Variants in ZNF333 observed in about 807,000 individuals in gnomAD.
ZNF333 encodes zinc finger protein 333.
ZNF333 carries 61 observed loss-of-function variants against 76.1 expected under a neutral mutation model. The ratio of observed to expected loss-of-function variants is 0.80; its 90% CI spans 0.65 to 0.99. The LOEUF is 0.99. Ranked by LOEUF, ZNF333 falls within the 50% of genes least tolerant of loss-of-function variation. ZNF333 has a pLI of 0.00. For missense variants in ZNF333, 717 were observed against 822.4 expected, an observed-to-expected ratio of 0.87 and a Z score of 1.57; for synonymous variants, 284 against 305.0, an observed-to-expected ratio of 0.93 and a Z score of 0.72.
Position 14,718,321 on chromosome 19 carries a change from C to T in ZNF333, c.994C>T (p.His332Tyr), listed in dbSNP as rs1435873497. 1 of 1,614,178 alleles carries T rather than the reference C, an allele frequency of 6.2e-7. No individual in the cohort carries two copies. The change falls in exon 12 of 12, where the codon CAT (histidine) becomes TAT (tyrosine). Residue 332 changes from histidine to tyrosine, a missense_variant. By Grantham distance (83) the His-to-Tyr change is moderately conservative (BLOSUM62 2). Coordinates refer to ENST00000292530, the MANE Select transcript of ZNF333 (RefSeq NM_032433.4). ...ACCACTTTTCCAGTACCAGAGAATT[C>T]ATGCTGGAGAGGCATCCTGTGAATG... ...IEPLFQYQRI[H>Y]AGEASCECQE...
chr19:14,728,192 G>A (rs552928450), intron 11 of ZNF333, among the ~76,000 whole-genome samples: 28 of 152,292 alleles, frequency 1.8e-4, no homozygotes, highest in South Asian at 1.7e-3. Context: ...CAGCCTGGGC[G>A]ACAGAGCGAG....
At chr19:14,699,780 C>G (rs1445077264) in intron 5 of ZNF333, among the ~76,000 whole-genome samples, 1 of 151,958 alleles carries the variant, frequency 6.6e-6, no homozygotes. Context: ...AGACATTGAG[C>G]GTGCGAAATA....
downstream of ZNF333, among the ~76,000 whole-genome samples, chr19:14,726,189 C>T (rs1480577030): frequency 6.6e-6 from 1 of 152,206 alleles, no homozygotes; most frequent in Non-Finnish European, 1.5e-5. Flanking sequence ...CCCTTTGAGC[C>T]AAGGCTGGAG....
At chr19:14,727,355 G>C (rs762042162) in intron 11 of ZNF333, among the ~76,000 whole-genome samples, 20 of 152,162 alleles carry the variant, frequency 1.3e-4, no homozygotes, top group Non-Finnish European at 2.8e-4. Context: ...TTGGCTCACT[G>C]TTTTGCAGGC....
rs765158203 is a variant in ZNF333 at position 14,718,987 on chromosome 19, C to T, written c.1660C>T (p.Arg554Ter). The T allele has an allele frequency of 1.2e-5, 19 of 1,604,068 alleles. No individual in the cohort carries two copies. Among genetic ancestry groups the T allele is most frequent in the Admixed American group, 3.4e-5 (2 of 58,680 alleles). ...SRLSTLKSHMRTHTGEKPYVC... is the reference protein window; with the variant it reads ...SRLSTLKSHM The stretch of plus-strand genomic sequence containing the variant: ...TCTTTCAACCCTGAAGAGTCACATG[C>T]GAACTCACACTGGAGAGAAGCCCTA... Residue 554 changes from arginine (R) to a stop codon, truncating the protein, a stop_gained, in exon 12 of 12, where the codon CGA becomes TGA. Transcript: ENST00000292530. LOFTEE classifies it high-confidence loss of function.
At chr19:14,706,920 A>G in intron 7 of ZNF333, 147 bp downstream of exon 7, 4 of 611,812 alleles carry the variant, frequency 6.5e-6, no homozygotes, top group Non-Finnish European at 1.1e-5. Context: ...GGCCTCTCTC[A>G]TTATTTGTGT....
chr19:14,713,965 CA>C (rs1955559556), intron 7 of ZNF333, among the ~76,000 whole-genome samples: 1 of 106,770 alleles, frequency 9.4e-6, no homozygotes, highest in South Asian at 2.7e-4. Flanking sequence ...TGGCTCAAAA[CA>C]ACAACAAACC....
downstream of ZNF333, among the ~76,000 whole-genome samples, chr19:14,724,430 G>A (rs1004715950): frequency 6.6e-6 from 1 of 152,166 alleles, no homozygotes; most frequent in African/African-American, 2.4e-5. Flanking sequence ...ACGAGGATGG[G>A]TCACACTTGG....
At chr19:14,706,871 C>A (rs1239641742) in intron 7 of ZNF333, 98 bp downstream of exon 7, 4 of 983,908 alleles carry the variant, frequency 4.1e-6, no homozygotes, top group Non-Finnish European at 6.1e-6. Context: ...TTTCCTCTGA[C>A]TGCAGGCACT....
chr19:14,720,546 T>G lies in ZNF333; in HGVS notation c.*1221T>G, dbSNP rs1032005590. ...GTGATTGCAGCAGCCCTGGACTATT[T>G]ATTTCTGGATGTCCCATACATGAAA... On this transcript the variant is annotated 3_prime_UTR_variant, in exon 12 of 12. Coordinates refer to ENST00000292530, the MANE Select transcript of ZNF333 (RefSeq NM_032433.4). 16 of 985,362 alleles carry G rather than the reference T, an allele frequency of 1.6e-5. No homozygotes were observed. Among genetic ancestry groups the G allele is most frequent in the Non-Finnish European group, 1.8e-5 (15 of 829,946 alleles). 61.0% of individuals were successfully genotyped at this position (985,362 alleles called of 1,614,324 possible).
At chr19:14,722,967 T>C (rs2147035509), downstream of ZNF333, among the ~76,000 whole-genome samples, 1 of 152,292 alleles carries the variant, frequency 6.6e-6, no homozygotes, top group South Asian at 2.1e-4. Context: ...TTTGTATTTT[T>C]AGTAGAGATG....
intron 11 of ZNF333, 104 bp from the exon 12 acceptor site, chr19:14,718,124 G>A (rs1005364896): frequency 7.6e-6 from 11 of 1,445,602 alleles, no homozygotes; most frequent in Admixed American, 4.9e-5. Context: ...AATGGTAAAA[G>A]TATCAGATAT....
In ZNF333 at chr19:14,718,937, C is replaced by A; in HGVS notation, c.1610C>A (p.Ala537Glu). The change falls in exon 12 of 12, where the codon GCG becomes GAG. Residue 537 changes from alanine to glutamate, a missense_variant. Ala to Glu is a moderately radical substitution (Grantham distance 107, BLOSUM62 -1). Coordinates refer to ENST00000292530, the MANE Select transcript of ZNF333 (RefSeq NM_032433.4). ...IHTGEKLYECATCGQVLSRLS... is the reference protein window; with the variant it reads ...IHTGEKLYECETCGQVLSRLS... ...ACAGGGGAGAAACTGTATGAGTGCG[C>A]GACTTGCGGTCAGGTCTTGAGTCGT... The A allele has an allele frequency of 6.2e-7, 1 of 1,613,284 alleles. No homozygotes were observed. Among genetic ancestry groups the A allele is most frequent in the South Asian group, 1.1e-5 (1 of 91,064 alleles).
intron 4 of ZNF333, among the ~76,000 whole-genome samples, chr19:14,696,362 C>G (rs1453798354): frequency 6.6e-6 from 1 of 152,144 alleles, no homozygotes. Flanking sequence ...CTCCCTCAGC[C>G]CCTGGCAGCC....
At position 14,721,006 on chromosome 19, in the gene ZNF333, T is replaced by C; in HGVS notation, c.*1681T>C. On this transcript the variant is annotated 3_prime_UTR_variant, in exon 12 of 12. Transcript: ENST00000292530. ...TATAAAGTGATCATCCTTTTCCCTA[T>C]TACTGAACATTCAACCATTCATTGT... 1 of 892,536 alleles carries C rather than the reference T, an allele frequency of 1.1e-6. No homozygotes were observed. Among genetic ancestry groups the C allele is most frequent in the Non-Finnish European group, 1.3e-6 (1 of 745,540 alleles). The allele number at this position is 892,536 out of a possible 1,614,324, so 55.3% of individuals were successfully genotyped here.
At chr19:14,707,772 C>T (rs1247714333) in intron 7 of ZNF333, 10 of 300,248 alleles carry the variant, frequency 3.3e-5, no homozygotes, top group Middle Eastern at 3.9e-4. Context: ...AGGATGGTCT[C>T]GATCTCCTGA....
chr19:14,695,744 G>C (rs887643752), intron 4 of ZNF333, 83 bp downstream of exon 4: 65 of 1,240,692 alleles, frequency 5.2e-5, no homozygotes, highest in African/African-American at 5.9e-5. Flanking sequence ...ATTTTCAAAG[G>C]CCCTTTGTTC....
chr19:14,718,647 C>G lies in ZNF333; in HGVS notation c.1320C>G (p.His440Gln), dbSNP rs1449795051. ...CGAGGAACTTTAACCTGATTTTGCACCAGAGAAACCACACAGGAGAGAAGC... is the reference window on the plus strand; with the variant it reads ...CGAGGAACTTTAACCTGATTTTGCAGCAGAGAAACCACACAGGAGAGAAGC... ...TFTRNFNLIL[H>Q]QRNHTGEKPY... The change falls in exon 12 of 12, where the codon CAC becomes CAG. Residue 440 changes from histidine (H) to glutamine (Q), a missense_variant. Coordinates refer to ENST00000292530, the MANE Select transcript of ZNF333 (RefSeq NM_032433.4). 3.1e-6 allele frequency: 5 copies of G among 1,613,652 alleles called. No individual in the cohort carries two copies. The African/African-American group carries it at 4.0e-5, about 13-fold the overall frequency.
At chr19:14,698,899 G>GATATATATATATAT (rs60299211) in intron 4 of ZNF333, among the ~76,000 whole-genome samples, 32 of 132,702 alleles carry the variant, frequency 2.4e-4, no homozygotes, top group African/African-American at 5.4e-4. Flanking sequence ...CACAAATATA[G>GATATATATATATAT]ATATATATAT....
Sources: allele counts gnomAD v4.1 joint callset (sites outside exome capture counted in the v4.1 genomes callset), GRCh38; gene constraint gnomAD v4.1.1; transcripts MANE v1.5; gene names NCBI Gene and HGNC (gene_info 2026-07-23, HGNC 2026-07-21).